The following OPA1 variants were observed in gnomAD, a reference collection of about 807,000 sequenced individuals.
OPA1 encodes OPA1 mitochondrial dynamin like GTPase.
Under a neutral mutation model 152.9 loss-of-function variants are expected in OPA1, and 59 were observed. The observed-to-expected ratio is 0.39, with a 90% CI of 0.31 to 0.48. The LOEUF is 0.48. Ranked by LOEUF, OPA1 falls within the 20% of genes least tolerant of loss-of-function variation. The pLI, the probability that OPA1 is intolerant of heterozygous loss-of-function variation, is 0.96. For missense variants in OPA1, 1,008 were observed against 1,216.8 expected (o/e 0.83, Z 2.55); for synonymous variants, 400 against 389.9 (o/e 1.03, Z -0.31).
intron 1 of OPA1, among the ~76,000 whole-genome samples, chr3:193,613,581 G>GTTT (rs1728573280): frequency 6.7e-6 from 1 of 149,194 alleles, no homozygotes. Flanking sequence ...TTGTTTGTTT[G>GTTT]TTTGTTTTTT....
intron 7 of OPA1, chr3:193,627,434 C>G (rs1731339147): frequency 6.6e-6 from 1 of 152,162 alleles, no homozygotes; most frequent in African/African-American, 2.4e-5. Flanking sequence ...AATCCCTGTT[C>G]TGTATACTGT....
chr3:193,657,362 A>G, intron 23 of OPA1, 130 bp downstream of exon 23: 1 of 903,524 alleles, frequency 1.1e-6, no homozygotes, highest in Non-Finnish European at 1.7e-6. Flanking sequence ...AAAGAAACAG[A>G]TTTATGATCT....
intron 1 of OPA1, among the ~76,000 whole-genome samples, chr3:193,604,697 C>G (rs911590831): frequency 6.6e-6 from 1 of 151,520 alleles, no homozygotes; most frequent in Admixed American, 6.6e-5. Flanking sequence ...CCTGTCTCTA[C>G]TAAAAATACA....
intron 29 of OPA1, among the ~76,000 whole-genome samples, chr3:193,672,606 C>T (rs777052135): frequency 1.3e-5 from 2 of 152,128 alleles, no homozygotes; most frequent in African/African-American, 2.4e-5. Context: ...CGGTGCCTCA[C>T]GCCTGTAATC....
At chr3:193,670,922 T>C (rs1211815831) in intron 29 of OPA1, among the ~76,000 whole-genome samples, 1 of 152,032 alleles carries the variant, frequency 6.6e-6, no homozygotes, top group Non-Finnish European at 1.5e-5. Flanking sequence ...AAGGGAGTGC[T>C]TGAAAGATGA....
At chr3:193,690,631 AT>A (rs1370862461) in intron 29 of OPA1, among the ~76,000 whole-genome samples, 1 of 152,184 alleles carries the variant, frequency 6.6e-6, no homozygotes, top group Non-Finnish European at 1.5e-5. Flanking sequence ...AAAAAGGACA[AT>A]TCTTCATTTT....
intron 1 of OPA1, among the ~76,000 whole-genome samples, chr3:193,610,864 T>C (rs1249568298): frequency 6.6e-6 from 1 of 152,246 alleles, no homozygotes; most frequent in Non-Finnish European, 1.5e-5. Flanking sequence ...CCTGGTGTGC[T>C]GTTTGCTAAG....
intron 29 of OPA1, among the ~76,000 whole-genome samples, chr3:193,671,684 A>G (rs1174690143): frequency 2.0e-5 from 3 of 152,264 alleles, no homozygotes; most frequent in Non-Finnish European, 4.4e-5. Flanking sequence ...GATTACAACA[A>G]ATGTTTCAGG....
intron 29 of OPA1, among the ~76,000 whole-genome samples, chr3:193,680,986 C>A (rs892887212): frequency 2.6e-5 from 4 of 152,104 alleles, no homozygotes; most frequent in Non-Finnish European, 4.4e-5. Flanking sequence ...CAGAGTAAAT[C>A]ATTGTAATCT....
chr3:193,594,833 G>A (rs1381441975), intron 1 of OPA1, among the ~76,000 whole-genome samples: 1 of 152,078 alleles, frequency 6.6e-6, no homozygotes, highest in Non-Finnish European at 1.5e-5. Context: ...CACAGCCCTT[G>A]GTATTAAAGT....
intron 9 of OPA1, among the ~76,000 whole-genome samples, chr3:193,635,778 A>G (rs1033057392): frequency 6.6e-6 from 1 of 152,172 alleles, no homozygotes; most frequent in Non-Finnish European, 1.5e-5. Context: ...TATTTTTCTG[A>G]AATATCTAGT....
intron 1 of OPA1, chr3:193,603,589 C>CA (rs1188095807): frequency 1.3e-5 from 2 of 152,148 alleles, no homozygotes; most frequent in Non-Finnish European, 2.9e-5. Flanking sequence ...CATATCATGC[C>CA]AAAATCACGT....
At chr3:193,638,186 A>G in intron 11 of OPA1, 121 bp downstream of exon 11, 1 of 775,666 alleles carries the variant, frequency 1.3e-6, no homozygotes, top group Non-Finnish European at 2.3e-6. Context: ...AGTGTTTGGA[A>G]TGATCCCTAG....
intron 7 of OPA1, among the ~76,000 whole-genome samples, chr3:193,626,441 A>G (rs556550057): frequency 6.6e-6 from 1 of 152,316 alleles, no homozygotes; most frequent in African/African-American, 2.4e-5. Context: ...GGTTGTCTGT[A>G]GGGTCCCTGT....
intron 1 of OPA1, among the ~76,000 whole-genome samples, chr3:193,597,489 G>A (rs966193455): frequency 7.2e-5 from 11 of 151,888 alleles, no homozygotes; most frequent in Non-Finnish European, 1.5e-4. Context: ...TTAGGAGTTC[G>A]AGACCAGCCT....
At chr3:193,596,657 C>A in intron 1 of OPA1, 1 of 152,112 alleles carries the variant, frequency 6.6e-6, no homozygotes, top group Admixed American at 6.6e-5. Context: ...TAATTCTGTA[C>A]ACTTTCTATT....
chr3:193,672,195 A>G (rs930534601), intron 29 of OPA1, among the ~76,000 whole-genome samples: 5 of 152,192 alleles, frequency 3.3e-5, no homozygotes, highest in Non-Finnish European at 7.3e-5. Context: ...TTATAGTTCA[A>G]TTCAAAGTTG....
At chr3:193,609,796 C>T (rs926279059) in intron 1 of OPA1, among the ~76,000 whole-genome samples, 10 of 152,090 alleles carry the variant, frequency 6.6e-5, no homozygotes, top group African/African-American at 2.4e-4. Flanking sequence ...TTTGATCTTC[C>T]ATCACTGATA....
intron 21 of OPA1, among the ~76,000 whole-genome samples, chr3:193,653,038 T>G (rs1045615911): frequency 1.3e-5 from 2 of 152,202 alleles, no homozygotes; most frequent in Non-Finnish European, 2.9e-5. Flanking sequence ...GATCCTGGTC[T>G]TCAGTTCAAC....
Sources: gnomAD v4.1 joint callset for allele counts (sites outside exome capture counted in the v4.1 genomes callset) on GRCh38, gnomAD v4.1.1 for gene constraint, MANE v1.5 for transcripts, NCBI Gene and HGNC (gene_info 2026-07-23, HGNC 2026-07-21) for gene names.